Variants in STK32B observed in about 807,000 individuals in gnomAD.
STK32B encodes the protein serine/threonine kinase 32B.
Under a neutral mutation model 52.6 loss-of-function variants are expected in STK32B, and 43 were observed. That is an observed-to-expected ratio of 0.82 (90% CI 0.64 to 1.05). STK32B has a LOEUF of 1.05. Ranked by LOEUF, STK32B falls within the 50% of genes least tolerant of loss-of-function variation. STK32B has a pLI of 0.00. For missense variants in STK32B, 621 were observed against 534.6 expected (o/e 1.16, Z -1.59); for synonymous variants, 238 against 204.3 (o/e 1.17, Z -1.41).
chr4:5,210,717 A>G (rs1240658284), intron 3 of STK32B, among the ~76,000 whole-genome samples: 3 of 152,052 alleles, frequency 2.0e-5, no homozygotes, highest in African/African-American at 7.2e-5. Flanking sequence ...TTTAAAATCT[A>G]TTCCTTGGAA....
chr4:5,320,125 TC>T (rs922176056), intron 3 of STK32B, among the ~76,000 whole-genome samples: 17 of 151,988 alleles, frequency 1.1e-4, no homozygotes, highest in African/African-American at 4.1e-4. Flanking sequence ...TCAGAATCCC[TC>T]CCCTTTTTTG....
rs866731185 is a variant in STK32B, at chr4:5,457,136, C to T, written c.783+213C>T. On this transcript the variant is annotated intron_variant, in intron 8 of 11. Transcript: ENST00000282908. ...CTCGGAGGACTGTGGCGGCTCTGAC[C>T]GCAAGCCCCTAGGCTCTTGTCACTC... Among the ~76,000 whole-genome samples the T allele has an allele frequency of 3.3e-5, 5 of 152,046 alleles. No individual in the cohort carries two copies. In the South Asian group the frequency reaches 1.0e-3, roughly 32 times the overall value.
chr4:5,499,352 A>T lies in STK32B; in HGVS notation c.*269A>T, dbSNP rs771953370. 1.5e-4 allele frequency: 59 copies of T among 386,904 alleles called. No homozygotes were observed. Among genetic ancestry groups the T allele is most frequent in the Non-Finnish European group, 2.5e-4 (55 of 220,738 alleles). The allele number at this position is 386,904 out of a possible 1,614,324, so 24.0% of individuals were successfully genotyped here. On this transcript the variant is annotated 3_prime_UTR_variant, in exon 12 of 12. Transcript: ENST00000282908. ...CTTCTGCCCCACTTCAAATTACAAG[A>T]TTATGGGGAGAACCCAATTAGGTAG... is the stretch of plus-strand genomic sequence containing the variant.
rs1388650594 is a variant in STK32B, at chr4:5,168,353, A to G, written c.163A>G (p.Asn55Asp). ...GAAAATGTATGCAATGAAGTACATG[A>G]ACAAGCAGAAGTGCATCGAGAGGGA... ...TKKMYAMKYM[N>D]KQKCIERDEV... is the part of the protein sequence containing the mutation. The change falls in exon 3 of 12, where the codon AAC becomes GAC. Residue 55 changes from asparagine to aspartate, a missense_variant. Coordinates refer to ENST00000282908, the MANE Select transcript of STK32B (RefSeq NM_018401.3). 3 of 1,613,792 alleles carry G rather than the reference A, an allele frequency of 1.9e-6. No homozygotes were observed. Among genetic ancestry groups the G allele is most frequent in the Non-Finnish European group, 1.7e-6 (2 of 1,179,998 alleles).
At chr4:5,141,129 T>C (rs1446085385) in intron 2 of STK32B, among the ~76,000 whole-genome samples, 1 of 152,188 alleles carries the variant, frequency 6.6e-6, no homozygotes, top group Non-Finnish European at 1.5e-5. Flanking sequence ...AACAATTCAG[T>C]TCCACAGCAC....
At chr4:5,195,849 C>T (rs959720478) in intron 3 of STK32B, among the ~76,000 whole-genome samples, 3 of 152,210 alleles carry the variant, frequency 2.0e-5, no homozygotes, top group Admixed American at 2.0e-4. Flanking sequence ...ATGGACTTGA[C>T]CTTTTTATCA....
At chr4:5,342,459 C>G (rs1733150539) in intron 4 of STK32B, among the ~76,000 whole-genome samples, 1 of 152,148 alleles carries the variant, frequency 6.6e-6, no homozygotes, top group Admixed American at 6.5e-5. Flanking sequence ...GATAGAAAAC[C>G]AAACACCTTG....
chr4:5,356,308 A>G (rs1734167268), intron 4 of STK32B, among the ~76,000 whole-genome samples: 2 of 152,140 alleles, frequency 1.3e-5, no homozygotes, highest in Admixed American at 6.5e-5. Flanking sequence ...AGCACCAGTC[A>G]TTGGATTTAG....
chr4:5,444,254 C>T (rs968624274), intron 6 of STK32B, among the ~76,000 whole-genome samples: 1 of 152,226 alleles, frequency 6.6e-6, no homozygotes, highest in African/African-American at 2.4e-5. Flanking sequence ...ATCAGCGAGA[C>T]TCCGTGGGTG....
intron 3 of STK32B, among the ~76,000 whole-genome samples, chr4:5,168,732 G>A (rs919891916): frequency 6.6e-6 from 1 of 152,208 alleles, no homozygotes; most frequent in Admixed American, 6.5e-5. Flanking sequence ...CGTTATAAGA[G>A]AATGCCGAAG....
At chr4:5,385,826 A>C (rs1482496375) in intron 4 of STK32B, among the ~76,000 whole-genome samples, 1 of 151,502 alleles carries the variant, frequency 6.6e-6, no homozygotes, top group Non-Finnish European at 1.5e-5. Flanking sequence ...CCTCGCCCAC[A>C]GTCCCACCCA....
chr4:5,389,201 C>G (rs192654487), intron 4 of STK32B, among the ~76,000 whole-genome samples: 1 of 152,276 alleles, frequency 6.6e-6, no homozygotes, highest in East Asian at 1.9e-4. Context: ...ACTGGTATAT[C>G]CTGGCTGTCC....
At chr4:5,240,548 C>T (rs1302080582) in intron 3 of STK32B, among the ~76,000 whole-genome samples, 1 of 152,114 alleles carries the variant, frequency 6.6e-6, no homozygotes, top group Non-Finnish European at 1.5e-5. Context: ...CAACCTCCGC[C>T]TCCCGGGTTC....
chr4:5,140,656 C>T (rs1231166173), intron 2 of STK32B, among the ~76,000 whole-genome samples: 1 of 152,184 alleles, frequency 6.6e-6, no homozygotes, highest in African/African-American at 2.4e-5. Flanking sequence ...TGACCAGGAA[C>T]CTGCTGTTTC....
Position 5,159,600 on chromosome 4 carries a change from T to TATATATGAATATATATGA in STK32B, c.109-8693_109-8692insGAATATATATGAATATAT, listed in dbSNP as rs756759764. 3.2e-5 allele frequency among the ~76,000 whole-genome samples: 3 copies of TATATATGAATATATATGA among 92,716 alleles called. 1 individual carries two copies. Among genetic ancestry groups the TATATATGAATATATATGA allele is most frequent in the Admixed American group, 1.4e-4 (1 of 7,058 alleles). 60.8% of individuals were successfully genotyped at this position (92,716 alleles called of 152,430 possible). ...GAATATATATATGAATATATATGAA[T>TATATATGAATATATATGA]ATATATATGAATATATATGAATATA... On this transcript the variant is annotated intron_variant, in intron 2 of 11. Transcript: ENST00000282908.
chr4:5,147,492 G>A (rs1283819109), intron 2 of STK32B, among the ~76,000 whole-genome samples: 1 of 151,968 alleles, frequency 6.6e-6, no homozygotes, highest in Admixed American at 6.6e-5. Context: ...AAGCATCATT[G>A]TTTTGTTCTT....
At chr4:5,307,118 GTGA>G (rs749760821) in intron 3 of STK32B, among the ~76,000 whole-genome samples, 84 of 152,190 alleles carry the variant, frequency 5.5e-4, no homozygotes, top group Admixed American at 2.0e-3. Context: ...ATGTTCCTAG[GTGA>G]TGATCTTTTT....
At chr4:5,032,333 C>T in the STK32B span, among the ~76,000 whole-genome samples, 5 of 151,586 alleles carry the variant, frequency 3.3e-5, no homozygotes, top group African/African-American at 9.7e-5. Flanking sequence ...ATTAGCCGGG[C>T]GTGGTGGTGC....
chr4:5,107,495 G>C (rs1195485514), intron 1 of STK32B, among the ~76,000 whole-genome samples: 8 of 152,108 alleles, frequency 5.3e-5, no homozygotes, highest in Non-Finnish European at 1.0e-4. Flanking sequence ...GATTGATCAG[G>C]GAGTTAGGCA....
Sources: gnomAD v4.1 joint callset for allele counts (sites outside exome capture counted in the v4.1 genomes callset) on GRCh38, gnomAD v4.1.1 for gene constraint, MANE v1.5 for transcripts, NCBI Gene and HGNC (gene_info 2026-07-23, HGNC 2026-07-21) for gene names.